The following NEK10 variants were observed in gnomAD, a reference collection of about 807,000 sequenced individuals.
The protein encoded by NEK10 is serine/threonine-protein kinase Nek10.
Under a neutral mutation model 159.8 loss-of-function variants are expected in NEK10, and 122 were observed. The observed-to-expected ratio is 0.76, with a 90% CI of 0.66 to 0.89. The LOEUF (loss-of-function observed/expected upper bound fraction) is 0.89. Ranked by LOEUF, NEK10 falls within the 40% of genes least tolerant of loss-of-function variation. The pLI, the probability that NEK10 is intolerant of heterozygous loss-of-function variation, is 0.00. For synonymous variants in NEK10, 466 were observed against 457.1 expected, an observed-to-expected ratio of 1.02 and a Z score of -0.25; for missense variants, 1,342 against 1,323.1, an observed-to-expected ratio of 1.01 and a Z score of -0.22.
chr3:27,326,442 T>G (rs905964303), intron 5 of NEK10, among the ~76,000 whole-genome samples: 1 of 152,226 alleles, frequency 6.6e-6, no homozygotes, highest in Non-Finnish European at 1.5e-5. Flanking sequence ...TACAAATATG[T>G]GTACAGTTGG....
At chr3:27,116,203 C>G in intron 33 of NEK10, 76 bp from the exon 34 acceptor site, 1 of 1,326,544 alleles carries the variant, frequency 7.5e-7, no homozygotes, top group South Asian at 1.2e-5. Flanking sequence ...GCAATTATGA[C>G]TTCAACCACA....
Position 27,324,395 on chromosome 3 carries a change from A to G in NEK10, c.363-2134T>C, listed in dbSNP as rs565889874. 2.6e-5 allele frequency among the ~76,000 whole-genome samples: 4 copies of G among 152,310 alleles called. No individual in the cohort carries two copies. In the South Asian group the frequency reaches 8.3e-4, roughly 32 times the overall value. On this transcript the variant is annotated intron_variant, in intron 5 of 35. Coordinates refer to ENST00000691995, the MANE Select transcript of NEK10 (RefSeq NM_001394966.1). ...ATGGCTTCCTGAATCTCAGTTTGAT[A>G]GTCAGCATGTCTGAAATTGACTTCA...
chr3:27,149,743 C>T (rs376956186), intron 30 of NEK10, among the ~76,000 whole-genome samples: 4 of 152,106 alleles, frequency 2.6e-5, no homozygotes, highest in Non-Finnish European at 4.4e-5. Flanking sequence ...CTACAATGGC[C>T]TCTAATTGTT....
chr3:27,255,541 G>A (rs1456994495), intron 23 of NEK10, among the ~76,000 whole-genome samples: 2 of 151,832 alleles, frequency 1.3e-5, no homozygotes, highest in Non-Finnish European at 2.9e-5. Context: ...TTGACCTGTT[G>A]AATCAGATTT....
intron 5 of NEK10, among the ~76,000 whole-genome samples, chr3:27,337,757 A>C (rs1170690864): frequency 6.6e-6 from 1 of 152,192 alleles, no homozygotes; most frequent in African/African-American, 2.4e-5. Flanking sequence ...ATGCAGAAGA[A>C]TGAAACTGGA....
chr3:27,303,831 A>G (rs761082981), intron 12 of NEK10, among the ~76,000 whole-genome samples: 1 of 152,214 alleles, frequency 6.6e-6, no homozygotes, highest in African/African-American at 2.4e-5. Context: ...ATGAAAATTG[A>G]TAAGTCCCTC....
chr3:27,171,520 A>G lies in NEK10; in HGVS notation c.2831+299T>C, dbSNP rs972163036. On this transcript the variant is annotated intron_variant, in intron 29 of 35. Transcript: ENST00000691995. ...AGATATAAGACCAGGGCTCCAGATGACCTCATGGAGCACAGCTGCCCTACC... is the reference window on the plus strand; with the variant it reads ...AGATATAAGACCAGGGCTCCAGATGGCCTCATGGAGCACAGCTGCCCTACC... Among the ~76,000 whole-genome samples the G allele has an allele frequency of 5.3e-5, 8 of 151,996 alleles. No individual in the cohort carries two copies. In the East Asian group the frequency reaches 1.5e-3, roughly 29 times the overall value.
At chr3:27,323,609 A>G (rs9812707) in intron 5 of NEK10, among the ~76,000 whole-genome samples, 20,114 of 152,030 alleles carry the variant, frequency 0.13, 3,307 homozygotes, top group African/African-American at 0.39. Context: ...GGGGGGAAAA[A>G]AAAACCTGGA....
Position 27,131,944 on chromosome 3 carries a change from C to T in NEK10, c.3017G>A (p.Arg1006Lys). 6.2e-7 allele frequency: 1 copy of T among 1,609,256 alleles called. No individual in the cohort carries two copies. The highest frequency in any genetic ancestry group is 8.5e-7 in the Non-Finnish European group (1 of 1,176,644). Reference protein sequence around the residue: ...HHNLKRRVIERFKKSLFSQQS... With the variant: ...HHNLKRRVIEKFKKSLFSQQS... The stretch of plus-strand genomic sequence containing the variant: ...CTGGCTGAAGAGGGATTTCTTGAAT[C>T]TCTCTATAACCCTTCTTTTCAAATT... Residue 1006 changes from arginine (R) to lysine (K), a missense_variant, in exon 32 of 36, where the codon AGA becomes AAA. By Grantham distance (26) the Arg-to-Lys change is conservative (BLOSUM62 2). Coordinates refer to ENST00000691995, the MANE Select transcript of NEK10 (RefSeq NM_001394966.1).
intron 31 of NEK10, among the ~76,000 whole-genome samples, chr3:27,138,786 T>C (rs1257055218): frequency 6.6e-6 from 1 of 152,194 alleles, no homozygotes; most frequent in Non-Finnish European, 1.5e-5. Flanking sequence ...ATGCTAGTAA[T>C]CCATGGCATG....
chr3:27,273,752 T>C (rs2041555552), intron 22 of NEK10, among the ~76,000 whole-genome samples: 1 of 152,100 alleles, frequency 6.6e-6, no homozygotes. Context: ...AGAATAAAGA[T>C]CTCCAGCTCA....
chr3:27,298,790 T>G (rs914847471), intron 13 of NEK10, among the ~76,000 whole-genome samples: 1 of 152,130 alleles, frequency 6.6e-6, no homozygotes, highest in Non-Finnish European at 1.5e-5. Context: ...CTTGCTATGT[T>G]TTAGCAAAGA....
chr3:27,288,457 A>C (rs961283852), intron 19 of NEK10, among the ~76,000 whole-genome samples: 1 of 152,108 alleles, frequency 6.6e-6, no homozygotes, highest in East Asian at 1.9e-4. Context: ...CACCCTTGAT[A>C]TCTAACCAAG....
At chr3:27,205,735 G>A (rs1950489855) in intron 23 of NEK10, among the ~76,000 whole-genome samples, 1 of 130,260 alleles carries the variant, frequency 7.7e-6, no homozygotes, top group Admixed American at 8.1e-5. Flanking sequence ...TTAAACGTTA[G>A]ACCTAAAACC....
intron 1 of NEK10, among the ~76,000 whole-genome samples, chr3:27,361,447 A>T (rs1429144919): frequency 2.6e-5 from 4 of 152,242 alleles, no homozygotes; most frequent in African/African-American, 9.6e-5. Context: ...CAACAAAAAT[A>T]ACTAAAGTAG....
chr3:27,278,839 G>C (rs2041950426), intron 22 of NEK10: 1 of 984,704 alleles, frequency 1.0e-6, no homozygotes. Flanking sequence ...GTAATGTGAT[G>C]GCACAATATG....
At chr3:27,249,404 G>A (rs1205525879) in intron 23 of NEK10, among the ~76,000 whole-genome samples, 1 of 152,046 alleles carries the variant, frequency 6.6e-6, no homozygotes, top group Non-Finnish European at 1.5e-5. Context: ...GGGTGCTCCA[G>A]TATTGGGTGC....
chr3:27,243,168 T>C (rs1337821731), intron 23 of NEK10, among the ~76,000 whole-genome samples: 11 of 152,294 alleles, frequency 7.2e-5, no homozygotes, highest in Admixed American at 7.2e-4. Flanking sequence ...TTTTCTTGTG[T>C]TAGCATCGTG....
At chr3:27,149,411 G>A (rs1165840849) in intron 30 of NEK10, among the ~76,000 whole-genome samples, 1 of 151,972 alleles carries the variant, frequency 6.6e-6, no homozygotes, top group Non-Finnish European at 1.5e-5. Flanking sequence ...TCTGCATTGA[G>A]CAAGGCTACT....
Sources: gnomAD v4.1 joint callset for allele counts (sites outside exome capture counted in the v4.1 genomes callset) on GRCh38, gnomAD v4.1.1 for gene constraint, MANE v1.5 for transcripts, NCBI Gene and HGNC (gene_info 2026-07-23, HGNC 2026-07-21) for gene names.